USP11: variants seen among roughly 807,000 people sequenced by gnomAD.
USP11 encodes ubiquitin specific peptidase 11.
Under a neutral mutation model 72.8 loss-of-function variants are expected in USP11, and 5 were observed. That is an observed-to-expected ratio of 0.07 (90% CI 0.04 to 0.14). The LOEUF (loss-of-function observed/expected upper bound fraction) is 0.14. Among genes scored for constraint, USP11 ranks in the 10% least tolerant of loss-of-function variants. The pLI, the probability that USP11 is intolerant of heterozygous loss-of-function variation, is 1.00. For synonymous variants in USP11, 368 were observed against 326.5 expected, an observed-to-expected ratio of 1.13 and a Z score of -1.37; for missense variants, 480 against 794.7, an observed-to-expected ratio of 0.60 and a Z score of 4.76.
rs2055445749 is a variant in USP11 at position 47,247,997 on chromosome X, C to T, written c.*67C>T. 1.3e-5 allele frequency: 15 copies of T among 1,121,404 alleles called. No individual in the cohort carries two copies. The highest frequency in any genetic ancestry group is 1.1e-4 in the Admixed American group (3 of 27,296). 92.4% of individuals were successfully genotyped at this position (1,121,404 alleles called of 1,213,427 possible). ...TCTCTGCAATCTCGCTTCTCGTGTCCGCCCCGCTTCTCTTATTCGTGTTAG... is the reference window on the plus strand; with the variant it reads ...TCTCTGCAATCTCGCTTCTCGTGTCTGCCCCGCTTCTCTTATTCGTGTTAG... On this transcript the variant is annotated 3_prime_UTR_variant, in exon 21 of 21. Coordinates refer to ENST00000377107, the MANE Select transcript of USP11 (RefSeq NM_001371072.1).
At position 47,244,599 on chromosome X, in the gene USP11, C is replaced by A. The variant is rs367684076; in HGVS notation, c.1843+49C>A. The A allele has an allele frequency of 5.0e-4, 598 of 1,204,390 alleles. No individual in the cohort carries two copies. The highest frequency in any genetic ancestry group is 6.2e-4 in the Non-Finnish European group (553 of 892,423). ...GCGGGGGCTCTGGGTTAGGTCTGAC[C>A]CACGTAGGGTTCGTCTAGGTGTGCA... On this transcript the variant is annotated intron_variant, in intron 14 of 20. Transcript: ENST00000377107.
chrX:47,237,403 A>G (rs1315439366), intron 1 of USP11, among the ~76,000 whole-genome samples: 3 of 111,430 alleles, frequency 2.7e-5, no homozygotes, highest in Non-Finnish European at 5.6e-5. Context: ...TTGCCTATCT[A>G]GGTGACTTGT....
chrX:47,240,516 G>T (rs2055396882), intron 5 of USP11, 66 bp downstream of exon 5: 2 of 1,208,708 alleles, frequency 1.7e-6, no homozygotes, highest in Admixed American at 4.3e-5. Flanking sequence ...CAGTACTCGG[G>T]GGAAATGAAG....
rs2055442142 is a variant in USP11, at chrX:47,247,683, A to G, written c.2609A>G (p.Asn870Ser). ...YFDDNSVSPVNENQIESKAAY... is the reference protein window; with the variant it reads ...YFDDNSVSPVSENQIESKAAY... ...GATGACAACAGCGTCTCCCCTGTCAATGAGAATCAGATCGAGGTGTGACTT... is the reference window on the plus strand; with the variant it reads ...GATGACAACAGCGTCTCCCCTGTCAGTGAGAATCAGATCGAGGTGTGACTT... The change falls in exon 20 of 21, where the codon AAT becomes AGT. Residue 870 changes from asparagine (N) to serine (S), a missense_variant. Asn to Ser is a conservative substitution (Grantham distance 46, BLOSUM62 1). This residue lies in a region of USP11 where 314 missense variants were observed against 556.0 expected (regional missense o/e 0.56). Coordinates refer to ENST00000377107, the MANE Select transcript of USP11 (RefSeq NM_001371072.1). The G allele has an allele frequency of 8.3e-7, 1 of 1,211,118 alleles. No homozygotes were observed. Among genetic ancestry groups the G allele is most frequent in the Non-Finnish European group, 1.1e-6 (1 of 895,269 alleles).
rs1174572088 is a variant in USP11 at position 47,240,424 on chromosome X, C to G, written c.655C>G (p.Leu219Val). 8.3e-7 allele frequency: 1 copy of G among 1,210,105 alleles called. No homozygotes were observed. The highest frequency in any genetic ancestry group is 1.1e-6 in the Non-Finnish European group (1 of 895,267). ...GTTGTATGACACACACATCACGGTTCTCGATGCGGCCCTTGAGACTGGGCA... is the reference window on the plus strand; with the variant it reads ...GTTGTATGACACACACATCACGGTTGTCGATGCGGCCCTTGAGACTGGGCA... ...DRLYDTHITV[L>V]DAALETGQLI... Residue 219 changes from leucine (L) to valine (V), a missense_variant, in exon 5 of 21, where the codon CTC (leucine) becomes GTC (valine). Leu to Val is a conservative substitution (Grantham distance 32, BLOSUM62 1). This residue lies in a region of USP11 where 80 missense variants were observed against 100.9 expected (regional missense o/e 0.79). Coordinates refer to ENST00000377107, the MANE Select transcript of USP11 (RefSeq NM_001371072.1).
chrX:47,246,426 GCAAT>G (rs1408244340), intron 17 of USP11, among the ~76,000 whole-genome samples: 1 of 111,944 alleles, frequency 8.9e-6, no homozygotes, highest in Non-Finnish European at 1.9e-5. Flanking sequence ...GGTTAAACAA[GCAAT>G]CAATAAATAC....
chrX:47,239,031 C>T lies in USP11; in HGVS notation c.177-39C>T. 4.7e-6 allele frequency: 5 copies of T among 1,073,656 alleles called. No individual in the cohort carries two copies. The South Asian group carries it at 7.8e-5, about 17-fold the overall frequency. 88.5% of individuals were successfully genotyped at this position (1,073,656 alleles called of 1,213,427 possible). ...GGGAAGTTGTATAGCTAACCCTCAG[C>T]TACCCATGTAACACCCTTGTTACCT... On this transcript the variant is annotated intron_variant, in intron 1 of 20. Transcript: ENST00000377107.
chrX:47,238,719 TA>T (rs1409810016), intron 1 of USP11, among the ~76,000 whole-genome samples: 1 of 111,009 alleles, frequency 9.0e-6, no homozygotes, highest in Non-Finnish European at 1.9e-5. Flanking sequence ...ATCTTGAGCC[TA>T]ACTTAACTGG....
chrX:47,240,004 A>G (rs1164204880), intron 4 of USP11, 97 bp downstream of exon 4: 5 of 928,056 alleles, frequency 5.4e-6, no homozygotes, highest in Non-Finnish European at 4.6e-6. Context: ...GCTGACTGAG[A>G]AGGCACTGGT....
At chrX:47,244,452 C>CACT (rs1213334095) in intron 13 of USP11, 46 bp from the exon 14 acceptor site, 1 of 1,194,312 alleles carries the variant, frequency 8.4e-7, no homozygotes, top group African/African-American at 1.8e-5. Context: ...GCTCTATCCC[C>CACT]ACTGTCCTTG....
rs144034150 is a variant in USP11, at chrX:47,244,689, C to T, written c.1851C>T (p.Asp617=). 6.6e-5 allele frequency: 79 copies of T among 1,205,203 alleles called. 1 individual carries two copies. Among genetic ancestry groups the T allele is most frequent in the Middle Eastern group, 2.3e-4 (1 of 4,353 alleles). ...DEDDGDEKED[D]EEDKDDVPGP... is the part of the protein sequence containing the mutation. ...GACATCCTCCTGTCCTAGAAGATGA[C>T]GAGGAGGATAAAGATGACGTCCCTG... is the stretch of plus-strand genomic sequence containing the variant. The change falls in exon 15 of 21, where the codon GAC becomes GAT. Residue 617 remains aspartate (D), a synonymous_variant. Coordinates refer to ENST00000377107, the MANE Select transcript of USP11 (RefSeq NM_001371072.1).
At chrX:47,242,385 C>A in intron 10 of USP11, 54 bp from the exon 11 acceptor site, 2 of 1,206,137 alleles carry the variant, frequency 1.7e-6, no homozygotes, top group Non-Finnish European at 2.2e-6. Context: ...AGGCTTCTTG[C>A]ATTAACTCAC....
At chrX:47,233,302 G>A in intron 1 of USP11, 83 bp downstream of exon 1, 1 of 1,083,521 alleles carries the variant, frequency 9.2e-7, no homozygotes, top group Non-Finnish European at 1.2e-6. Context: ...GCCGAGGGCC[G>A]CGGGAAAGCT....
At position 47,245,065 on chromosome X, in the gene USP11, C is replaced by T. The variant is rs767190388; in HGVS notation, c.2136C>T (p.Tyr712=). 1 of 1,211,654 alleles carries T rather than the reference C, an allele frequency of 8.3e-7. No individual in the cohort carries two copies. Among genetic ancestry groups the T allele is most frequent in the Admixed American group, 2.2e-5 (1 of 46,029 alleles). ...IDWEPEMKKR[Y]YDEVEAEGYV... ...GGGAGCCAGAGATGAAGAAGCGTTA[C>T]TATGACGAGGTAGAGGCTGAGGTAA... The change falls in exon 16 of 21, where the codon TAC becomes TAT. Residue 712 remains tyrosine, a synonymous_variant. Transcript: ENST00000377107.
Position 47,247,200 on chromosome X carries a change from C to T in USP11, c.2399C>T (p.Thr800Ile). The change falls in exon 18 of 21, where the codon ACC becomes ATC. Residue 800 changes from threonine (T) to isoleucine (I), a missense_variant. Thr to Ile is a moderately conservative substitution (Grantham distance 89). Coordinates refer to ENST00000377107, the MANE Select transcript of USP11 (RefSeq NM_001371072.1). ...AAGTTCTCCCGAGAGAAGCTGGACA[C>T]CCTCGTGGAGTTTCCTATCCGGTCA... ...YTKFSREKLD[T>I]LVEFPIRDLD... The T allele has an allele frequency of 8.3e-7, 1 of 1,210,659 alleles. No individual in the cohort carries two copies. Among genetic ancestry groups the T allele is most frequent in the South Asian group, 1.8e-5 (1 of 56,866 alleles).
At chrX:47,237,551 C>T (rs920749985) in intron 1 of USP11, among the ~76,000 whole-genome samples, 4 of 110,370 alleles carry the variant, frequency 3.6e-5, no homozygotes, top group African/African-American at 6.6e-5. Context: ...AGGCAAAGGT[C>T]GCAGTGAGCT....
intron 1 of USP11, among the ~76,000 whole-genome samples, chrX:47,235,606 G>A (rs778395357): frequency 1.8e-5 from 2 of 109,214 alleles, no homozygotes; most frequent in Non-Finnish European, 3.8e-5. Context: ...CTCTGATTAC[G>A]CACTCCCTCC....
chrX:47,233,276 C>A, intron 1 of USP11, 57 bp downstream of exon 1: 5 of 901,726 alleles, frequency 5.5e-6, no homozygotes, highest in Non-Finnish European at 7.0e-6. Flanking sequence ...CATTGACAAC[C>A]GCTGGGGATT....
intron 1 of USP11, among the ~76,000 whole-genome samples, chrX:47,236,622 CAA>C (rs1337157986): frequency 8.9e-6 from 1 of 112,117 alleles, no homozygotes; most frequent in African/African-American, 3.2e-5. Context: ...AAATCAGACA[CAA>C]GAGAAAACTA....
Sources: allele counts gnomAD v4.1 joint callset (sites outside exome capture counted in the v4.1 genomes callset), GRCh38; gene constraint gnomAD v4.1.1; regional missense constraint gnomAD v4.1.1; transcripts MANE v1.5; gene names NCBI Gene and HGNC (gene_info 2026-07-23, HGNC 2026-07-21).